Variants in CHST5 observed in about 807,000 individuals in gnomAD.
CHST5 encodes GST4-alpha.
For missense variants in CHST5, 637 were observed against 602.1 expected (o/e 1.06, Z -0.61); for synonymous variants, 313 against 279.2 (o/e 1.12, Z -1.21).
rs995587258 is a variant in CHST5 at position 75,535,368 on chromosome 16, C to G, written c.-1593G>C. On this transcript the variant is annotated 5_prime_UTR_variant, in exon 2 of 4. Coordinates refer to ENST00000336257, the MANE Select transcript of CHST5 (RefSeq NM_024533.5). The stretch of plus-strand genomic sequence containing the variant: ...GGCATGGACGAAGAGTCGGGGGTAA[C>G]CAAGCCACTGGAAGCTCCTGGAGAC... The G allele has an allele frequency of 6.6e-6, 1 of 152,418 alleles. No homozygotes were observed. Among genetic ancestry groups the G allele is most frequent in the Non-Finnish European group, 1.5e-5 (1 of 68,382 alleles). The allele number at this position is 152,418 out of a possible 1,614,324, so 9.4% of individuals were successfully genotyped here. A position where few individuals can be genotyped will look rare whatever the true frequency, so the allele number is the denominator to read the frequency against.
At position 75,529,122 on chromosome 16, in the gene CHST5, C is replaced by A. The variant is rs762782195; in HGVS notation, c.*27G>T. The A allele has an allele frequency of 6.5e-7, 1 of 1,533,160 alleles. No individual in the cohort carries two copies. The highest frequency in any genetic ancestry group is 8.8e-7 in the Non-Finnish European group (1 of 1,140,104). The allele number at this position is 1,533,160 out of a possible 1,614,324, so 95.0% of individuals were successfully genotyped here. A position where few individuals can be genotyped will look rare whatever the true frequency, so the allele number is the denominator to read the frequency against. ...CCTCCTGGGCCTGGCGACCACAGTT[C>A]GGGGCCTGCTCTAAGGCCCAGAGTT... On this transcript the variant is annotated 3_prime_UTR_variant, in exon 4 of 4. Coordinates refer to ENST00000336257, the MANE Select transcript of CHST5 (RefSeq NM_024533.5).
In CHST5 at chr16:75,529,186, C is replaced by T. The variant is rs374832776; in HGVS notation, c.1199G>A (p.Arg400Gln). ...TGCCCAGCTGAAGTGGTCTGGGCCT[C>T]GTGGCAGCACCAGATCCAGGGTGAG... ...RDLTLDLVLPRGPDHFSWASP... is the reference protein window; with the variant it reads ...RDLTLDLVLPQGPDHFSWASP... The change falls in exon 4 of 4, where the codon CGA becomes CAA. Residue 400 changes from arginine (R) to glutamine (Q), a missense_variant. Transcript: ENST00000336257. 16 of 1,603,852 alleles carry T rather than the reference C, an allele frequency of 1.0e-5. No homozygotes were observed. The highest frequency in any genetic ancestry group is 1.2e-5 in the Non-Finnish European group (14 of 1,174,070).
intron 2 of CHST5, among the ~76,000 whole-genome samples, chr16:75,534,891 C>G (rs1441722915): frequency 6.6e-6 from 1 of 152,192 alleles, no homozygotes; most frequent in Non-Finnish European, 1.5e-5. Flanking sequence ...CCGACCCCTG[C>G]CCTGCGCAGT....
chr16:75,529,392 C>A lies in CHST5; in HGVS notation c.993G>T (p.Gly331=). 1 of 1,613,082 alleles carries A rather than the reference C, an allele frequency of 6.2e-7. No homozygotes were observed. Among genetic ancestry groups the A allele is most frequent in the Middle Eastern group, 1.6e-4 (1 of 6,062 alleles). Residue 331 remains glycine (G), a synonymous_variant, in exon 4 of 4, where the codon GGG becomes GGT. Coordinates refer to ENST00000336257, the MANE Select transcript of CHST5 (RefSeq NM_024533.5). ...LEAWIHNITH[G]SGIGKPIEAF... ...CCTCGATTGGCTTGCCGATCCCCGA[C>A]CCGTGGGTGATGTTGTGGATCCAGG...
chr16:75,529,915 C>G lies in CHST5; in HGVS notation c.470G>C (p.Cys157Ser). The part of the protein sequence containing the change: ...TSRALCSPPA[C>S]SAFPRGTISK... ...GATGGTGCCTCGGGGAAAGGCGCTG[C>G]AGGCGGGCGGCGAGCACAGCGCGCG... Residue 157 changes from cysteine (C) to serine (S), a missense_variant, in exon 4 of 4, where the codon TGC becomes TCC. Transcript: ENST00000336257. 1 of 1,613,360 alleles carries G rather than the reference C, an allele frequency of 6.2e-7. No individual in the cohort carries two copies.
intron 1 of CHST5, among the ~76,000 whole-genome samples, 161 bp from the exon 2 acceptor site, chr16:75,535,570 G>A (rs368210649): frequency 1.3e-5 from 2 of 152,198 alleles, no homozygotes; most frequent in East Asian, 1.9e-4. Flanking sequence ...GCGCTGCCCC[G>A]CAATCTTCAG....
At position 75,533,078 on chromosome 16, in the gene CHST5, G is replaced by A; in HGVS notation, c.-1257+11C>T. 1 of 700,586 alleles carries A rather than the reference G, an allele frequency of 1.4e-6. No homozygotes were observed. The highest frequency in any genetic ancestry group is 2.6e-6 in the Non-Finnish European group (1 of 383,768). 43.4% of individuals were successfully genotyped at this position (700,586 alleles called of 1,614,324 possible). A position where few individuals can be genotyped will look rare whatever the true frequency, so the allele number is the denominator to read the frequency against. On this transcript the variant is annotated intron_variant, in intron 3 of 3. Coordinates refer to ENST00000336257, the MANE Select transcript of CHST5 (RefSeq NM_024533.5). ...GGGAGGATCTTGATCCCAAGCTAAG[G>A]TGTTTGTTACCTGTGTTCCAGGAAA...
At position 75,530,698 on chromosome 16, in the gene CHST5, A is replaced by T; in HGVS notation, c.-314T>A. The T allele has an allele frequency of 8.6e-7, 1 of 1,158,052 alleles. No individual in the cohort carries two copies. Among genetic ancestry groups the T allele is most frequent in the Non-Finnish European group, 1.1e-6 (1 of 929,778 alleles). 71.7% of individuals were successfully genotyped at this position (1,158,052 alleles called of 1,614,324 possible). A position where few individuals can be genotyped will look rare whatever the true frequency, so the allele number is the denominator to read the frequency against. On this transcript the variant is annotated 5_prime_UTR_variant, in exon 4 of 4. Coordinates refer to ENST00000336257, the MANE Select transcript of CHST5 (RefSeq NM_024533.5). ...TTGCTTCAGGATACCTCTTAGAGAG[A>T]CCCTTTTAGGTTGTGGAGCTAAAAG... is the stretch of plus-strand genomic sequence containing the variant.
At chr16:75,535,816 CAG>C (rs1445552331) in intron 1 of CHST5, among the ~76,000 whole-genome samples, 5 of 152,216 alleles carry the variant, frequency 3.3e-5, no homozygotes, top group African/African-American at 1.2e-4. Context: ...AGGACGCTGG[CAG>C]AGTCACTTCT....
intron 1 of CHST5, among the ~76,000 whole-genome samples, 113 bp downstream of exon 1, chr16:75,535,931 C>T (rs544735223): frequency 6.6e-6 from 1 of 152,220 alleles, no homozygotes; most frequent in Admixed American, 6.5e-5. Context: ...TGAAGGAAGT[C>T]GAATCTTAAT....
In CHST5 at chr16:75,529,735, AGGTTGAGCGCG is replaced by A. The variant is rs746297847; in HGVS notation, c.639_649del (p.Leu215HisfsTer128). The A allele has an allele frequency of 6.2e-7, 1 of 1,613,052 alleles. No homozygotes were observed. The highest frequency in any genetic ancestry group is 2.2e-5 in the East Asian group (1 of 44,860). On this transcript the variant is annotated frameshift_variant, in exon 4 of 4. Transcript: ENST00000336257. LOFTEE classifies it low-confidence loss of function (END_TRUNC). ...GTCGCGCACCAGGTGCACGATGCGC[AGGTTGAGCGCG>A]GGGTCGCTGAGCAGCGGGTAGAGCA... is the stretch of plus-strand genomic sequence containing the variant.
chr16:75,530,292 T>C lies in CHST5; in HGVS notation c.93A>G (p.Thr31=). The C allele has an allele frequency of 6.2e-7, 1 of 1,611,934 alleles. No individual in the cohort carries two copies. Among genetic ancestry groups the C allele is most frequent in the Non-Finnish European group, 8.5e-7 (1 of 1,179,364 alleles). Reference sequence around the variant, plus strand: ...TCTGTGCCAGGAGGAGCACTGTCACTGTCTTGCTGGAGAACCGTGGCAGCC... The same window carrying C: ...TCTGTGCCAGGAGGAGCACTGTCACCGTCTTGCTGGAGAACCGTGGCAGCC... ...RMWLPRFSSK[T]VTVLLLAQTT... is the part of the protein sequence containing the mutation. The change falls in exon 4 of 4, where the codon ACA becomes ACG. Residue 31 remains threonine, a synonymous_variant. Coordinates refer to ENST00000336257, the MANE Select transcript of CHST5 (RefSeq NM_024533.5).
intron 2 of CHST5, among the ~76,000 whole-genome samples, chr16:75,534,896 C>A (rs540527967): frequency 2.6e-5 from 4 of 152,220 alleles, no homozygotes; most frequent in Non-Finnish European, 5.9e-5. Context: ...CCCTGCCCTG[C>A]GCAGTGAGGA....
Position 75,531,290 on chromosome 16 carries a change from G to T in CHST5, c.-906C>A. Reference sequence around the variant, plus strand: ...TGAGCTGAGATTGCGCCACTGCACTGCAGCCTGAGTGAAGAGTGAGACTCC... The same window carrying T: ...TGAGCTGAGATTGCGCCACTGCACTTCAGCCTGAGTGAAGAGTGAGACTCC... On this transcript the variant is annotated 5_prime_UTR_variant, in exon 4 of 4. The change creates a premature stop within an existing upstream ORF in the 5' untranslated region. Transcript: ENST00000336257. 1.2e-6 allele frequency: 1 copy of T among 867,818 alleles called. No homozygotes were observed. The highest frequency in any genetic ancestry group is 1.4e-6 in the Non-Finnish European group (1 of 698,164). The allele number at this position is 867,818 out of a possible 1,614,324, so 53.8% of individuals were successfully genotyped here. A position where few individuals can be genotyped will look rare whatever the true frequency, so the allele number is the denominator to read the frequency against.
Position 75,530,287 on chromosome 16 carries a change from G to C in CHST5, c.98C>G (p.Thr33Arg). 6.2e-7 allele frequency: 1 copy of C among 1,612,356 alleles called. No individual in the cohort carries two copies. The highest frequency in any genetic ancestry group is 8.5e-7 in the Non-Finnish European group (1 of 1,179,526). The change falls in exon 4 of 4, where the codon ACA becomes AGA. Residue 33 changes from threonine (T) to arginine (R), a missense_variant. Coordinates refer to ENST00000336257, the MANE Select transcript of CHST5 (RefSeq NM_024533.5). ...WLPRFSSKTV[T>R]VLLLAQTTCL... ...GGTGGTCTGTGCCAGGAGGAGCACT[G>C]TCACTGTCTTGCTGGAGAACCGTGG... is the stretch of plus-strand genomic sequence containing the variant.
chr16:75,529,659 G>C lies in CHST5; in HGVS notation c.726C>G (p.Arg242=). The change falls in exon 4 of 4, where the codon CGC becomes CGG. Residue 242 remains arginine, a synonymous_variant. Transcript: ENST00000336257. The part of the protein sequence containing the change: ...SREAAGPILA[R]DNGIVLGTNG... ...TGGTGCCCAGCACGATGCCGTTGTC[G>C]CGTGCCAGTATCGGGCCCGCCGCCT... The C allele has an allele frequency of 6.2e-7, 1 of 1,610,890 alleles. No homozygotes were observed. The highest frequency in any genetic ancestry group is 8.5e-7 in the Non-Finnish European group (1 of 1,178,694).
chr16:75,530,948 C>A lies in CHST5; in HGVS notation c.-564G>T. The stretch of plus-strand genomic sequence containing the variant: ...ATAATGAAGATGGGGGAAGGGAACA[C>A]GCAGTCATGCCCATAACTGAGGATT... On this transcript the variant is annotated 5_prime_UTR_variant, in exon 4 of 4. Transcript: ENST00000336257. 1 of 1,003,808 alleles carries A rather than the reference C, an allele frequency of 1.0e-6. No homozygotes were observed. The highest frequency in any genetic ancestry group is 1.2e-6 in the Non-Finnish European group (1 of 832,350). 62.2% of individuals were successfully genotyped at this position (1,003,808 alleles called of 1,614,324 possible).
chr16:75,533,096 C>T lies in CHST5; in HGVS notation c.-1264G>A. 2 of 701,568 alleles carry T rather than the reference C, an allele frequency of 2.9e-6. No homozygotes were observed. Among genetic ancestry groups the T allele is most frequent in the Admixed American group, 4.0e-5 (2 of 49,914 alleles). The allele number at this position is 701,568 out of a possible 1,614,324, so 43.5% of individuals were successfully genotyped here. A position where few individuals can be genotyped will look rare whatever the true frequency, so the allele number is the denominator to read the frequency against. ...AGCTAAGGTGTTTGTTACCTGTGTTCCAGGAAAGCCAGAGGTCTTCTTAAG... is the reference window on the plus strand; with the variant it reads ...AGCTAAGGTGTTTGTTACCTGTGTTTCAGGAAAGCCAGAGGTCTTCTTAAG... On this transcript the variant is annotated 5_prime_UTR_variant, in exon 3 of 4. Transcript: ENST00000336257.
rs1157574032 is a variant in CHST5, at chr16:75,529,526, G to A, written c.859C>T (p.Arg287Cys). 2.0e-5 allele frequency: 33 copies of A among 1,610,066 alleles called. No homozygotes were observed. Among genetic ancestry groups the A allele is most frequent in the Non-Finnish European group, 2.8e-5 (33 of 1,179,386 alleles). ...AAGCGCACCAGGCGGTAGCGGCCGCGCAGGAAGGGTGGCGGCTTGAGTGTG... is the reference window on the plus strand; with the variant it reads ...AAGCGCACCAGGCGGTAGCGGCCGCACAGGAAGGGTGGCGGCTTGAGTGTG... ...AATLKPPPFLRGRYRLVRFED... is the reference protein window; with the variant it reads ...AATLKPPPFLCGRYRLVRFED... Residue 287 changes from arginine to cysteine, a missense_variant, in exon 4 of 4, where the codon CGC (arginine) becomes TGC (cysteine). Physicochemically the swap from Arg to Cys is radical, Grantham distance 180. Coordinates refer to ENST00000336257, the MANE Select transcript of CHST5 (RefSeq NM_024533.5).
Sources: allele counts gnomAD v4.1 joint callset (sites outside exome capture counted in the v4.1 genomes callset), GRCh38; gene constraint gnomAD v4.1.1; transcripts MANE v1.5; gene names NCBI Gene and HGNC (gene_info 2026-07-23, HGNC 2026-07-21).